Variants in AKR1C8 observed in about 807,000 individuals in gnomAD.
AKR1C8 encodes aldo-keto reductase family 1 member C-like protein 1.
chr10:5,132,720 C>T, the AKR1C8 span: 3 of 1,568,468 alleles, frequency 1.9e-6, no homozygotes, highest in Admixed American at 3.4e-5. Context: ...ATGGAAGAAA[C>T]CAGCTTCTAT....
At chr10:5,128,110 G>T in the AKR1C8 span, among the ~76,000 whole-genome samples, 1 of 152,138 alleles carries the variant, frequency 6.6e-6, no homozygotes, top group Non-Finnish European at 1.5e-5. Flanking sequence ...AACTAGGAGG[G>T]ATTGAGGTCC....
At chr10:5,174,903 CTAAAT>C in the AKR1C8 span, among the ~76,000 whole-genome samples, 1,753 of 151,972 alleles carry the variant, frequency 0.012, 21 homozygotes, top group South Asian at 0.039. Flanking sequence ...AACATATTAA[CTAAAT>C]TAAAAAATAT....
chr10:5,140,648 G>T, the AKR1C8 span, among the ~76,000 whole-genome samples: 1 of 152,074 alleles, frequency 6.6e-6, no homozygotes, highest in African/African-American at 2.4e-5. Context: ...GACCTGTTGT[G>T]GGGTGGGGGG....
At chr10:5,156,525 GATCTATCT>G in the AKR1C8 span, among the ~76,000 whole-genome samples, 36 of 141,042 alleles carry the variant, frequency 2.6e-4, no homozygotes, top group South Asian at 4.0e-3. Context: ...GAAAGACTCA[GATCTATCT>G]ATCTATCTAT....
At chr10:5,125,076 T>A in the AKR1C8 span, among the ~76,000 whole-genome samples, 1 of 151,128 alleles carries the variant, frequency 6.6e-6, no homozygotes, top group African/African-American at 2.4e-5. Context: ...CATCTTATAT[T>A]TATTTACCAC....
the AKR1C8 span, among the ~76,000 whole-genome samples, chr10:5,165,239 A>C: frequency 6.6e-6 from 1 of 152,180 alleles, no homozygotes; most frequent in African/African-American, 2.4e-5. Flanking sequence ...ATGAATTTTA[A>C]CAGTTTCTTT....
chr10:5,135,773 T>C, the AKR1C8 span, among the ~76,000 whole-genome samples: 1 of 147,326 alleles, frequency 6.8e-6, no homozygotes, highest in Non-Finnish European at 1.5e-5. Flanking sequence ...GCTAAAGGAA[T>C]GACTAGTAAG....
chr10:5,151,557 G>GT, the AKR1C8 span, among the ~76,000 whole-genome samples: 49,983 of 132,440 alleles, frequency 0.38, 10,066 homozygotes, highest in Non-Finnish European at 0.41. Context: ...TTCCCTTTGG[G>GT]TTTTTTTTTT....
At chr10:5,155,676 A>G in the AKR1C8 span, 1 of 470,718 alleles carries the variant, frequency 2.1e-6, no homozygotes, top group South Asian at 1.6e-5. Flanking sequence ...ATCACTTACA[A>G]TTGTAACTTG....
At chr10:5,133,977 A>G in the AKR1C8 span, among the ~76,000 whole-genome samples, 1 of 152,240 alleles carries the variant, frequency 6.6e-6, no homozygotes, top group African/African-American at 2.4e-5. Context: ...TTTAGGAAAG[A>G]TATAATTTCA....
chr10:5,154,119 G>C, the AKR1C8 span: 1 of 466,720 alleles, frequency 2.1e-6, no homozygotes, highest in Non-Finnish European at 4.5e-6. Flanking sequence ...AATTGTGGTG[G>C]TAATGTTCAA....
At chr10:5,117,896 TA>T in the AKR1C8 span, among the ~76,000 whole-genome samples, 1 of 152,274 alleles carries the variant, frequency 6.6e-6, no homozygotes, top group African/African-American at 2.4e-5. Context: ...CCCATGACCA[TA>T]ATGACTTCAC....
the AKR1C8 span, among the ~76,000 whole-genome samples, chr10:5,137,876 G>A: frequency 1.3e-5 from 2 of 152,014 alleles, no homozygotes; most frequent in African/African-American, 4.8e-5. Flanking sequence ...AAAGGGGAGG[G>A]GGTGTAAGAA....
the AKR1C8 span, chr10:5,184,899 C>A: frequency 2.7e-6 from 1 of 371,360 alleles, no homozygotes; most frequent in African/African-American, 2.1e-5. Flanking sequence ...AATGAAATCC[C>A]AGATGAGCCC....
chr10:5,145,757 C>T, the AKR1C8 span, among the ~76,000 whole-genome samples: 2 of 151,666 alleles, frequency 1.3e-5, no homozygotes, highest in African/African-American at 4.9e-5. Context: ...GTGGGACTGT[C>T]AACTAGTTCA....
chr10:5,150,745 A>AT, the AKR1C8 span, among the ~76,000 whole-genome samples: 1 of 152,050 alleles, frequency 6.6e-6, no homozygotes, highest in South Asian at 2.1e-4. Flanking sequence ...TAATGCAAAG[A>AT]TTAAAAAAAA....
At chr10:5,123,835 G>C in the AKR1C8 span, 1 of 1,603,742 alleles carries the variant, frequency 6.2e-7, no homozygotes, top group South Asian at 1.1e-5. Context: ...AGATGACAAA[G>C]ATAGAAAAAC....
chr10:5,143,749 C>A, the AKR1C8 span, among the ~76,000 whole-genome samples: 2 of 146,120 alleles, frequency 1.4e-5, no homozygotes, highest in Admixed American at 1.4e-4. Context: ...ATATTTATAT[C>A]TATATATATT....
the AKR1C8 span, among the ~76,000 whole-genome samples, chr10:5,127,722 CAAAAAAAAAAAA>C: frequency 1.1e-4 from 9 of 79,652 alleles, no homozygotes; most frequent in South Asian, 3.0e-3. Context: ...AAGACTCTGT[CAAAAAAAAAAAA>C]AAAAAAAAAA....
Sources: gnomAD v4.1 joint callset for allele counts (sites outside exome capture counted in the v4.1 genomes callset) on GRCh38, gnomAD v4.1.1 for gene constraint, MANE v1.5 for transcripts, NCBI Gene and HGNC (gene_info 2026-07-23, HGNC 2026-07-21) for gene names.